CNTN5: variants seen among roughly 807,000 people sequenced by gnomAD.
The protein encoded by CNTN5 is contactin-5.
CNTN5 carries 77 observed loss-of-function variants against 129.1 expected under a neutral mutation model. The observed-to-expected ratio is 0.60, with a 90% confidence interval of 0.50 to 0.72. The LOEUF (loss-of-function observed/expected upper bound fraction) is 0.72. CNTN5 is among the 30% of genes least tolerant of loss of function. The pLI is 0.00. For missense variants in CNTN5, 1,478 were observed against 1,328.8 expected, an observed-to-expected ratio of 1.11 and a Z score of -1.75; for synonymous variants, 509 against 465.6, an observed-to-expected ratio of 1.09 and a Z score of -1.20.
chr11:99,158,733 T>A (rs1475285288), intron 1 of CNTN5, among the ~76,000 whole-genome samples: 6 of 152,158 alleles, frequency 3.9e-5, no homozygotes, highest in Non-Finnish European at 7.4e-5. Flanking sequence ...TCTTTAGAAC[T>A]ATTAGAAGTG....
intron 1 of CNTN5, among the ~76,000 whole-genome samples, chr11:99,075,846 T>C (rs187473766): frequency 3.3e-4 from 51 of 152,318 alleles, no homozygotes; most frequent in Admixed American, 2.7e-3. Flanking sequence ...GTTTTTAAGA[T>C]ATTTTTATAT....
chr11:100,235,672 T>A (rs1045532854), intron 16 of CNTN5, among the ~76,000 whole-genome samples: 2 of 152,038 alleles, frequency 1.3e-5, no homozygotes, highest in Non-Finnish European at 2.9e-5. Context: ...CTGGGAACCA[T>A]GGGTTATGGA....
At chr11:99,490,914 C>G (rs553021843) in intron 2 of CNTN5, among the ~76,000 whole-genome samples, 1 of 152,064 alleles carries the variant, frequency 6.6e-6, no homozygotes, top group African/African-American at 2.4e-5. Flanking sequence ...GTTGAAGTTG[C>G]CCTTGTGTGG....
intron 3 of CNTN5, among the ~76,000 whole-genome samples, chr11:99,716,450 C>T (rs1369178540): frequency 6.6e-6 from 1 of 151,930 alleles, no homozygotes; most frequent in African/African-American, 2.4e-5. Flanking sequence ...GCTCGTCTTC[C>T]TCTCTCCACC....
intron 1 of CNTN5, among the ~76,000 whole-genome samples, chr11:99,106,323 C>A (rs1866991785): frequency 6.6e-6 from 1 of 151,988 alleles, no homozygotes; most frequent in Admixed American, 6.5e-5. Context: ...GTGTAATATA[C>A]TCAAACATAT....
chr11:99,172,735 C>A (rs1196811427), intron 1 of CNTN5, among the ~76,000 whole-genome samples: 1 of 152,156 alleles, frequency 6.6e-6, no homozygotes, highest in African/African-American at 2.4e-5. Context: ...TAGAAGGACA[C>A]TTAACAGAGA....
chr11:99,860,387 G>T (rs1194922669), intron 6 of CNTN5, among the ~76,000 whole-genome samples: 2 of 152,062 alleles, frequency 1.3e-5, no homozygotes, highest in Non-Finnish European at 2.9e-5. Flanking sequence ...CCTGAGGCCA[G>T]TGTCCAGAAT....
intron 15 of CNTN5, among the ~76,000 whole-genome samples, chr11:100,197,460 G>A (rs993572901): frequency 1.4e-4 from 21 of 151,922 alleles, no homozygotes; most frequent in Non-Finnish European, 2.1e-4. Flanking sequence ...GGAGATAATC[G>A]TTGTAAGTGT....
At chr11:99,988,620 A>G (rs1227582480) in intron 8 of CNTN5, among the ~76,000 whole-genome samples, 1 of 152,202 alleles carries the variant, frequency 6.6e-6, no homozygotes, top group African/African-American at 2.4e-5. Flanking sequence ...AGAGAAATCC[A>G]AGATTAAGGT....
At chr11:99,299,177 C>G (rs11501176) in intron 1 of CNTN5, among the ~76,000 whole-genome samples, 7,717 of 152,108 alleles carry the variant, frequency 0.051, 635 homozygotes, top group African/African-American at 0.18. Context: ...AAGAAAAGTA[C>G]AGCCAACGGA....
At chr11:99,894,161 C>T (rs1377107982) in intron 6 of CNTN5, among the ~76,000 whole-genome samples, 1 of 152,132 alleles carries the variant, frequency 6.6e-6, no homozygotes, top group South Asian at 2.1e-4. Flanking sequence ...ATAGGTTTTT[C>T]TGGAGCCAAA....
At chr11:99,408,446 A>AAGAAAGAAAGAAAGAAAGAG (rs1565557829) in intron 2 of CNTN5, among the ~76,000 whole-genome samples, 1 of 18,652 alleles carries the variant, frequency 5.4e-5, no homozygotes, top group East Asian at 1.3e-3. Context: ...GAAAGAAAGA[A>AAGAAAGAAAGAAAGAAAGAG]AGAGAAAGAA....
chr11:99,214,792 A>T (rs574355761), intron 1 of CNTN5, among the ~76,000 whole-genome samples: 1 of 152,204 alleles, frequency 6.6e-6, no homozygotes, highest in South Asian at 2.1e-4. Flanking sequence ...TTTAACAAGG[A>T]ATTCCAGTGA....
At chr11:100,044,478 C>T in intron 9 of CNTN5, among the ~76,000 whole-genome samples, 1 of 143,894 alleles carries the variant, frequency 6.9e-6, no homozygotes, top group Non-Finnish European at 1.5e-5. Context: ...CTTTTCTCTG[C>T]AACTTTGCTA....
chr11:99,847,978 C>T (rs1206942615), intron 6 of CNTN5, among the ~76,000 whole-genome samples: 2 of 152,122 alleles, frequency 1.3e-5, no homozygotes, highest in African/African-American at 2.4e-5. Flanking sequence ...TTTGGGCAGC[C>T]GAGGCGGGCG....
At chr11:100,335,850 T>G (rs550779959) in intron 21 of CNTN5, among the ~76,000 whole-genome samples, 1 of 152,114 alleles carries the variant, frequency 6.6e-6, no homozygotes, top group Admixed American at 6.5e-5. Flanking sequence ...TCATACTTCC[T>G]GTCTGCCACT....
intron 3 of CNTN5, among the ~76,000 whole-genome samples, chr11:99,818,660 TTCA>T (rs1946672301): frequency 1.3e-5 from 2 of 152,100 alleles, no homozygotes; most frequent in Admixed American, 6.6e-5. Context: ...CTCTTTAGAG[TTCA>T]TCATAATTAG....
Position 100,070,514 on chromosome 11 carries a change from G to T in CNTN5, c.1253G>T (p.Arg418Ile), listed in dbSNP as rs1283658380. The T allele has an allele frequency of 1.9e-6, 3 of 1,613,160 alleles. No individual in the cohort carries two copies. In the East Asian group the frequency reaches 6.7e-5, roughly 36 times the overall value. ...GAATGTAAGGCTACTGGAAAACCCA[G>T]ACCCACGTATCGTTGGCTGAAGAAT... Reference protein sequence around the residue: ...RWECKATGKPRPTYRWLKNGV... With the variant: ...RWECKATGKPIPTYRWLKNGV... The change falls in exon 11 of 25, where the codon AGA (arginine) becomes ATA (isoleucine). Residue 418 changes from arginine to isoleucine, a missense_variant. Coordinates refer to ENST00000524871, the MANE Select transcript of CNTN5 (RefSeq NM_014361.4).
At chr11:100,052,238 A>C (rs1942995984) in intron 9 of CNTN5, among the ~76,000 whole-genome samples, 1 of 151,880 alleles carries the variant, frequency 6.6e-6, no homozygotes, top group South Asian at 2.1e-4. Flanking sequence ...ATCTAGGAAA[A>C]ATACACCTAC....
Sources: gnomAD v4.1 joint callset for allele counts (sites outside exome capture counted in the v4.1 genomes callset) on GRCh38, gnomAD v4.1.1 for gene constraint, MANE v1.5 for transcripts, NCBI Gene and HGNC (gene_info 2026-07-23, HGNC 2026-07-21) for gene names.